CACNB2: variants seen among roughly 807,000 people sequenced by gnomAD.
The protein encoded by CACNB2 is calcium voltage-gated channel auxiliary subunit beta 2.
Under a neutral mutation model 73.3 loss-of-function variants are expected in CACNB2, and 42 were observed. That is an observed-to-expected ratio of 0.57 (90% CI 0.45 to 0.74). CACNB2 has a LOEUF of 0.74. Among genes scored for constraint, CACNB2 ranks in the 30% least tolerant of loss-of-function variants. The pLI is 0.00. For missense variants in CACNB2, 940 were observed against 853.0 expected (o/e 1.10, Z -1.27); for synonymous variants, 348 against 310.3 (o/e 1.12, Z -1.28).
chr10:18,186,842 A>G (rs1290784445), intron 2 of CACNB2, among the ~76,000 whole-genome samples: 1 of 152,236 alleles, frequency 6.6e-6, no homozygotes, highest in Non-Finnish European at 1.5e-5. Flanking sequence ...CATATCACTT[A>G]CTATCATGTG....
chr10:18,270,500 C>T (rs1158151364), intron 2 of CACNB2, among the ~76,000 whole-genome samples: 1 of 152,076 alleles, frequency 6.6e-6, no homozygotes, highest in African/African-American at 2.4e-5. Context: ...GCTTAAAGCC[C>T]CCAGTTGGTT....
At chr10:18,261,423 C>T in intron 2 of CACNB2, 1 of 1,436,770 alleles carries the variant, frequency 7.0e-7, no homozygotes. Context: ...TGTGCTGAAC[C>T]AACCAGACAG....
chr10:18,242,771 T>C (rs1588821546), intron 2 of CACNB2, among the ~76,000 whole-genome samples: 1 of 150,190 alleles, frequency 6.7e-6, no homozygotes, highest in South Asian at 2.1e-4. Context: ...GATCACGAGG[T>C]CAGGAGATTG....
At chr10:18,418,661 T>C (rs1168474201) in intron 3 of CACNB2, among the ~76,000 whole-genome samples, 1 of 152,186 alleles carries the variant, frequency 6.6e-6, no homozygotes, top group East Asian at 1.9e-4. Flanking sequence ...AACGCCAATA[T>C]GTAGCCAGTC....
chr10:18,392,437 T>C (rs1377021435), intron 2 of CACNB2, among the ~76,000 whole-genome samples: 1 of 152,126 alleles, frequency 6.6e-6, no homozygotes, highest in East Asian at 1.9e-4. Flanking sequence ...ATGACCTTGA[T>C]GAACAGTTTT....
intron 8 of CACNB2, among the ~76,000 whole-genome samples, 164 bp from the exon 9 acceptor site, chr10:18,518,746 T>C (rs894609940): frequency 2.0e-5 from 3 of 152,226 alleles, no homozygotes; most frequent in South Asian, 4.1e-4. Flanking sequence ...TTAATTGTCA[T>C]TGCATCAGAA....
intron 2 of CACNB2, among the ~76,000 whole-genome samples, chr10:18,191,069 G>A (rs750864038): frequency 2.0e-5 from 3 of 152,202 alleles, no homozygotes; most frequent in Non-Finnish European, 4.4e-5. Flanking sequence ...CAATGATGAC[G>A]TCAGGAACTG....
chr10:18,264,003 C>T (rs2037674440), intron 2 of CACNB2, among the ~76,000 whole-genome samples: 1 of 152,164 alleles, frequency 6.6e-6, no homozygotes, highest in African/African-American at 2.4e-5. Context: ...AACTGTCTTG[C>T]TATTTCGTTA....
chr10:18,228,619 A>G (rs2036107350), intron 2 of CACNB2, among the ~76,000 whole-genome samples: 1 of 152,092 alleles, frequency 6.6e-6, no homozygotes, highest in African/African-American at 2.4e-5. Context: ...ATCTTGTACA[A>G]GTTAGTGTCG....
At chr10:18,402,066 A>G (rs775217792) in intron 3 of CACNB2, 23 bp downstream of exon 3, 1 of 1,612,028 alleles carries the variant, frequency 6.2e-7, no homozygotes, top group Non-Finnish European at 8.5e-7. Context: ...CCTCCCTGCC[A>G]AGATCTTTGC....
chr10:18,213,903 T>C (rs1328015217), intron 2 of CACNB2, among the ~76,000 whole-genome samples: 1 of 152,232 alleles, frequency 6.6e-6, no homozygotes, highest in South Asian at 2.1e-4. Flanking sequence ...TTAGATGGTA[T>C]AGTATCTGAT....
intron 2 of CACNB2, among the ~76,000 whole-genome samples, chr10:18,277,052 G>C (rs2038325197): frequency 6.6e-6 from 1 of 152,202 alleles, no homozygotes; most frequent in African/African-American, 2.4e-5. Context: ...GGGAGGTCGA[G>C]GCTGCAGTGA....
At chr10:18,437,310 A>T (rs1025242262) in intron 3 of CACNB2, among the ~76,000 whole-genome samples, 14 of 152,148 alleles carry the variant, frequency 9.2e-5, no homozygotes, top group African/African-American at 3.1e-4. Context: ...GATACTTCTA[A>T]GTTAGTGCAG....
intron 3 of CACNB2, among the ~76,000 whole-genome samples, chr10:18,426,197 A>C (rs1310984498): frequency 1.3e-5 from 2 of 152,232 alleles, no homozygotes; most frequent in African/African-American, 4.8e-5. Context: ...CTGTAGATCA[A>C]CTTGGAGGAA....
chr10:18,193,577 A>G (rs2034499755), intron 2 of CACNB2, among the ~76,000 whole-genome samples: 1 of 152,134 alleles, frequency 6.6e-6, no homozygotes, highest in Non-Finnish European at 1.5e-5. Context: ...CTGGAACCCA[A>G]GGCTTTACTC....
Position 18,501,272 on chromosome 10 carries a change from C to T in CACNB2, c.593+324C>T, listed in dbSNP as rs189858168. ...GAAAAATAGTCTGGCACATCATAGC[C>T]CTGGTGACTAATCCCACTGTCTGTA... On this transcript the variant is annotated intron_variant, in intron 5 of 13. Transcript: ENST00000324631. Among the ~76,000 whole-genome samples, 3 of 152,232 alleles carry T rather than the reference C, an allele frequency of 2.0e-5. No individual in the cohort carries two copies. In the East Asian group the frequency reaches 5.8e-4, roughly 29 times the overall value.
rs191089992 is a variant in CACNB2 at position 18,508,205 on chromosome 10, T to C, written c.670+1658T>C. On this transcript the variant is annotated intron_variant, in intron 6 of 13. Transcript: ENST00000324631. ...GCAAAATCTGAGCACAATAAATGAA[T>C]TGCTTTAGGAAGCAAATTAATTTCA... is the stretch of plus-strand genomic sequence containing the variant. 3.4e-3 allele frequency among the ~76,000 whole-genome samples: 519 copies of C among 152,368 alleles called. 2 individuals are homozygous for C. Among genetic ancestry groups the C allele is most frequent in the Admixed American group, 6.9e-3 (106 of 15,302 alleles).
chr10:18,317,665 T>C (rs2040243635), intron 2 of CACNB2, among the ~76,000 whole-genome samples: 1 of 152,244 alleles, frequency 6.6e-6, no homozygotes, highest in Non-Finnish European at 1.5e-5. Flanking sequence ...ATTCCTCATC[T>C]TGGCTATTGT....
At chr10:18,484,146 C>T (rs369882444) in intron 3 of CACNB2, among the ~76,000 whole-genome samples, 2 of 152,210 alleles carry the variant, frequency 1.3e-5, no homozygotes, top group East Asian at 1.9e-4. Context: ...GTAATCCCAG[C>T]ACTTTGGAAG....
Sources: gnomAD v4.1 joint callset for allele counts (sites outside exome capture counted in the v4.1 genomes callset) on GRCh38, gnomAD v4.1.1 for gene constraint, MANE v1.5 for transcripts, NCBI Gene and HGNC (gene_info 2026-07-23, HGNC 2026-07-21) for gene names.